COPA: variants seen among roughly 807,000 people sequenced by gnomAD.
COPA encodes the protein coat protein complex I subunit alpha, also known as coatomer subunit alpha.
COPA carries 10 observed loss-of-function variants against 158.7 expected under a neutral mutation model. The ratio of observed to expected loss-of-function variants is 0.06; its 90% CI spans 0.04 to 0.11. The LOEUF is 0.11. Among genes scored for constraint, COPA ranks in the 10% least tolerant of loss-of-function variants. The pLI is 1.00. For synonymous variants in COPA, 462 were observed against 542.8 expected (o/e 0.85, Z 2.07); for missense variants, 1,065 against 1,536.7 (o/e 0.69, Z 5.13).
rs369317260 is a variant in COPA at position 160,290,236 on chromosome 1, G to A, written c.3616-20C>T. 55 of 1,613,550 alleles carry A rather than the reference G, an allele frequency of 3.4e-5. No homozygotes were observed. Among genetic ancestry groups the A allele is most frequent in the Non-Finnish European group, 4.6e-5 (54 of 1,179,698 alleles). On this transcript the variant is annotated intron_variant, in intron 32 of 32. Coordinates refer to ENST00000241704, the MANE Select transcript of COPA (RefSeq NM_004371.4). Reference sequence around the variant, plus strand: ...TGTCACCTGTGGAAAAACAAACAAAGGAACAAGTTAGAGATTTGTAAGATT... The same window carrying A: ...TGTCACCTGTGGAAAAACAAACAAAAGAACAAGTTAGAGATTTGTAAGATT...
intron 13 of COPA, 145 bp from the exon 14 acceptor site, chr1:160,307,390 T>C: frequency 1.4e-6 from 1 of 735,104 alleles, no homozygotes; most frequent in Non-Finnish European, 2.4e-6. Context: ...AGCCATAACC[T>C]GGGGCTATTA....
At chr1:160,318,693 T>G (rs991256631) in intron 8 of COPA, among the ~76,000 whole-genome samples, 1 of 151,978 alleles carries the variant, frequency 6.6e-6, no homozygotes, top group Non-Finnish European at 1.5e-5. Flanking sequence ...GTTAAAGAGA[T>G]AGTCAAAAAG....
intron 27 of COPA, 152 bp from the exon 28 acceptor site, chr1:160,292,772 A>C: frequency 1.6e-6 from 1 of 636,166 alleles, no homozygotes; most frequent in Non-Finnish European, 2.7e-6. Context: ...TACCTATTAA[A>C]GTATTTAGGA....
chr1:160,322,496 G>A (rs1250337305), intron 8 of COPA, among the ~76,000 whole-genome samples: 30 of 152,002 alleles, frequency 2.0e-4, no homozygotes, highest in Non-Finnish European at 1.5e-5. Flanking sequence ...AAAACATTGG[G>A]GAAATGTCCC....
chr1:160,332,467 C>T lies in COPA; in HGVS notation c.477G>A (p.Val159=). 1 of 1,612,684 alleles carries T rather than the reference C, an allele frequency of 6.2e-7. No individual in the cohort carries two copies. The highest frequency in any genetic ancestry group is 8.5e-7 in the Non-Finnish European group (1 of 1,179,640). The part of the protein sequence containing the change: ...LVVSASLDQT[V]RVWDISGLRK... ...GCTCACCAGAAATATCCCAAACGCG[C>T]ACAGTCTGGTCCAGGCTGGCTGATA... The change falls in exon 6 of 33, where the codon GTG becomes GTA. Residue 159 remains valine, a synonymous_variant. Coordinates refer to ENST00000241704, the MANE Select transcript of COPA (RefSeq NM_004371.4).
chr1:160,311,102 G>A (rs925435824), intron 11 of COPA, among the ~76,000 whole-genome samples: 9 of 152,100 alleles, frequency 5.9e-5, no homozygotes, highest in Admixed American at 3.3e-4. Context: ...TCATCTAATG[G>A]GGATTCCATC....
At position 160,305,574 on chromosome 1, in the gene COPA, G is replaced by A; in HGVS notation, c.1529-3C>T. On this transcript the variant is annotated splice_polypyrimidine_tract_variant and splice_region_variant and intron_variant, in intron 16 of 32. Coordinates refer to ENST00000241704, the MANE Select transcript of COPA (RefSeq NM_004371.4). ...TTTGCGGTTACAGATCACAATGGCT[G>A]TAAGAGGCAAAGGGCATGAGTGTTC... 5 of 1,613,744 alleles carry A rather than the reference G, an allele frequency of 3.1e-6. No homozygotes were observed. Among genetic ancestry groups the A allele is most frequent in the Non-Finnish European group, 4.2e-6 (5 of 1,179,770 alleles).
At chr1:160,292,220 G>T (rs1236445390) in intron 28 of COPA, 22 bp from the exon 29 acceptor site, 1 of 1,606,060 alleles carries the variant, frequency 6.2e-7, no homozygotes, top group Non-Finnish European at 8.5e-7. Flanking sequence ...AAAGTAGGAA[G>T]AAGACAGGAT....
intron 17 of COPA, 118 bp downstream of exon 17, chr1:160,305,315 G>A (rs1259312980): frequency 2.0e-6 from 2 of 991,910 alleles, no homozygotes; most frequent in Non-Finnish European, 3.0e-6. Flanking sequence ...GCACATATAT[G>A]CCAGGTAAGG....
intron 25 of COPA, 87 bp downstream of exon 25, chr1:160,294,397 C>CT: frequency 1.7e-6 from 2 of 1,163,766 alleles, no homozygotes; most frequent in African/African-American, 3.0e-5. Flanking sequence ...GATAGGAGAC[C>CT]TGAGGATAGT....
At chr1:160,336,793 C>T (rs74123118) in intron 3 of COPA, among the ~76,000 whole-genome samples, 5,014 of 152,094 alleles carry the variant, frequency 0.033, 273 homozygotes, top group African/African-American at 0.12. Flanking sequence ...AACTTTTCTT[C>T]AGTAAATTAT....
rs754350440 is a variant in COPA, at chr1:160,343,220, G to T, written c.-50C>A. On this transcript the variant is annotated 5_prime_UTR_variant, in exon 1 of 33. Coordinates refer to ENST00000241704, the MANE Select transcript of COPA (RefSeq NM_004371.4). ...CTTAATCCGAGCCCCGACACACCCT[G>T]CTGCCCTTCGGACGCCTCCACGTCA... The T allele has an allele frequency of 1.9e-6, 3 of 1,612,486 alleles. No individual in the cohort carries two copies. The South Asian group carries it at 3.3e-5, about 18-fold the overall frequency.
At chr1:160,317,947 G>A (rs1364852983) in intron 8 of COPA, among the ~76,000 whole-genome samples, 2 of 152,158 alleles carry the variant, frequency 1.3e-5, no homozygotes, top group East Asian at 3.8e-4. Context: ...CGTGTGCACA[G>A]AGAGCCCACC....
Position 160,306,397 on chromosome 1 carries a change from G to T in COPA, c.1399C>A (p.Arg467=), listed in dbSNP as rs762994619. ...AAGAGTGTGATAGAGTCCGCATCTCGAAGCAGGAGATTGCCTGTGCCAGCA... is the reference window on the plus strand; with the variant it reads ...AAGAGTGTGATAGAGTCCGCATCTCTAAGCAGGAGATTGCCTGTGCCAGCA... ...FYAGTGNLLL[R]DADSITLFDV... The change falls in exon 15 of 33, where the codon CGA becomes AGA. Residue 467 remains arginine (R), a synonymous_variant. Coordinates refer to ENST00000241704, the MANE Select transcript of COPA (RefSeq NM_004371.4). 3 of 1,613,628 alleles carry T rather than the reference G, an allele frequency of 1.9e-6. No homozygotes were observed. The East Asian group carries it at 6.7e-5, about 36-fold the overall frequency.
At chr1:160,307,580 C>T (rs920926367) in intron 13 of COPA, among the ~76,000 whole-genome samples, 2 of 152,150 alleles carry the variant, frequency 1.3e-5, no homozygotes, top group African/African-American at 2.4e-5. Context: ...GGCCAAGCTG[C>T]GGCAAAGCAA....
At chr1:160,335,414 G>A in intron 3 of COPA, 92 bp from the exon 4 acceptor site, 1 of 973,084 alleles carries the variant, frequency 1.0e-6, no homozygotes. Flanking sequence ...ATAGAAATAT[G>A]TATATAAATA....
intron 8 of COPA, 57 bp from the exon 9 acceptor site, chr1:160,314,182 T>A: frequency 6.5e-7 from 1 of 1,549,204 alleles, no homozygotes; most frequent in Admixed American, 1.9e-5. Flanking sequence ...ACTTTAGGAT[T>A]TGGAGATATG....
At position 160,297,338 on chromosome 1, in the gene COPA, C is replaced by T. The variant is rs369758843; in HGVS notation, c.2263+5G>A. ...TGAAAAAGCTGGCAAGTCTCGGATA[C>T]TTACTCTGTCCACAGTTCTTCAGGA... is the stretch of plus-strand genomic sequence containing the variant. On this transcript the variant is annotated splice_donor_5th_base_variant and intron_variant, in intron 21 of 32. Transcript: ENST00000241704. 1.2e-5 allele frequency: 19 copies of T among 1,613,690 alleles called. No individual in the cohort carries two copies. The African/African-American group carries it at 2.4e-4, about 20-fold the overall frequency.
At chr1:160,331,572 G>A (rs1216348907) in intron 6 of COPA, among the ~76,000 whole-genome samples, 1 of 151,646 alleles carries the variant, frequency 6.6e-6, no homozygotes, top group African/African-American at 2.4e-5. Context: ...GCTTGAATCC[G>A]GGAGGCAGAG....
Sources: gnomAD v4.1 joint callset for allele counts (sites outside exome capture counted in the v4.1 genomes callset) on GRCh38, gnomAD v4.1.1 for gene constraint, MANE v1.5 for transcripts, NCBI Gene and HGNC (gene_info 2026-07-23, HGNC 2026-07-21) for gene names.